NAV3: variants seen among roughly 807,000 people sequenced by gnomAD.
The protein encoded by NAV3 is neuron navigator 3.
Under a neutral mutation model 244.7 loss-of-function variants are expected in NAV3, and 87 were observed. The ratio of observed to expected loss-of-function variants is 0.36; its 90% CI spans 0.30 to 0.42. The LOEUF is 0.42. Among genes scored for constraint, NAV3 ranks in the 20% least tolerant of loss-of-function variants. The pLI, the probability that NAV3 is intolerant of heterozygous loss-of-function variation, is 1.00. For missense variants in NAV3, 2,663 were observed against 2,893.3 expected (o/e 0.92, Z 1.83); for synonymous variants, 1,126 against 1,042.2 (o/e 1.08, Z -1.55).
At chr12:78,088,085 A>C (rs140215364) in intron 12 of NAV3, among the ~76,000 whole-genome samples, 137 of 151,018 alleles carry the variant, frequency 9.1e-4, no homozygotes, top group African/African-American at 3.1e-3. Flanking sequence ...ATTATGAATG[A>C]CCTCATATAA....
chr12:78,127,087 C>T (rs2138804836), intron 16 of NAV3, 80 bp from the exon 17 acceptor site: 2 of 1,433,264 alleles, frequency 1.4e-6, no homozygotes, highest in Non-Finnish European at 9.7e-7. Flanking sequence ...TTTTATAGTT[C>T]AGAGAACCAT....
intron 26 of NAV3, among the ~76,000 whole-genome samples, chr12:78,176,873 A>G (rs540953538): frequency 1.3e-5 from 2 of 152,236 alleles, no homozygotes; most frequent in African/African-American, 4.8e-5. Context: ...TTAGTTTTAA[A>G]TGAGTGCTCT....
At chr12:77,857,448 A>G (rs547193627) in intron 1 of NAV3, among the ~76,000 whole-genome samples, 155 of 152,090 alleles carry the variant, frequency 1.0e-3, no homozygotes, top group African/African-American at 3.7e-3. Context: ...TTAAATTATT[A>G]AAAAAATCTC....
intron 35 of NAV3, 111 bp downstream of exon 35, chr12:78,197,512 T>G (rs543038240): frequency 7.7e-5 from 57 of 744,550 alleles, no homozygotes; most frequent in Non-Finnish European, 1.1e-4. Flanking sequence ...ATTTTTATTT[T>G]TTAAATTGAC....
intron 22 of NAV3, among the ~76,000 whole-genome samples, chr12:78,150,628 TCCTCACAC>T (rs1284543005): frequency 4.2e-5 from 4 of 96,142 alleles, no homozygotes; most frequent in Admixed American, 1.2e-4. Context: ...TGCAAAAGCT[TCCTCACAC>T]ACACACACAC....
Position 78,194,475 on chromosome 12 carries a change from G to T in NAV3, c.6292-2772G>T, listed in dbSNP as rs530614144. On this transcript the variant is annotated intron_variant, in intron 34 of 39. Transcript: ENST00000397909. ...TCAAATTTTTCAATGTTTTCTTATA[G>T]ATTTCTGTACTACATCAAAAACATC... Among the ~76,000 whole-genome samples the T allele has an allele frequency of 3.9e-5, 6 of 151,924 alleles. No individual in the cohort carries two copies. In the East Asian group the frequency reaches 7.7e-4, roughly 20 times the overall value.
At chr12:77,620,638 T>G (rs1351211465) in intron 2 of NAV3, among the ~76,000 whole-genome samples, 2 of 152,182 alleles carry the variant, frequency 1.3e-5, no homozygotes, top group African/African-American at 4.8e-5. Context: ...ATTTTTGTAT[T>G]TTTAGTAGAG....
At chr12:77,577,828 T>C (rs1407791508) in intron 2 of NAV3, among the ~76,000 whole-genome samples, 1 of 152,162 alleles carries the variant, frequency 6.6e-6, no homozygotes, top group East Asian at 1.9e-4. Flanking sequence ...GCTTTTATCA[T>C]TTCATAAAGG....
At chr12:77,602,915 C>T (rs985501373) in intron 2 of NAV3, among the ~76,000 whole-genome samples, 12 of 152,034 alleles carry the variant, frequency 7.9e-5, no homozygotes, top group Admixed American at 1.3e-4. Context: ...AATTGTGAAG[C>T]TCTTGCCCTT....
At chr12:77,767,584 G>C (rs1467713739) in intron 2 of NAV3, among the ~76,000 whole-genome samples, 1 of 152,210 alleles carries the variant, frequency 6.6e-6, no homozygotes, top group Non-Finnish European at 1.5e-5. Flanking sequence ...TAGCCACTGT[G>C]GTGGGGCGGG....
chr12:77,796,648 T>C (rs1484531940), intron 2 of NAV3, among the ~76,000 whole-genome samples: 2 of 152,156 alleles, frequency 1.3e-5, no homozygotes, highest in African/African-American at 4.8e-5. Flanking sequence ...GAAGAGTTAA[T>C]CAATGCAGCA....
chr12:77,637,242 C>A (rs1872199233), intron 2 of NAV3, among the ~76,000 whole-genome samples: 1 of 151,848 alleles, frequency 6.6e-6, no homozygotes, highest in Admixed American at 6.5e-5. Context: ...TTGCTATGGT[C>A]CACAGCAAAA....
At chr12:78,165,167 G>C (rs1198077133) in intron 23 of NAV3, among the ~76,000 whole-genome samples, 1 of 152,116 alleles carries the variant, frequency 6.6e-6, no homozygotes, top group African/African-American at 2.4e-5. Flanking sequence ...GGTGTTGGGG[G>C]CATCATTATC....
At chr12:77,961,371 A>C (rs1024741255) in intron 3 of NAV3, among the ~76,000 whole-genome samples, 5 of 141,522 alleles carry the variant, frequency 3.5e-5, no homozygotes, top group African/African-American at 1.0e-4. Context: ...TAATATAATA[A>C]ATATATTAAT....
At chr12:77,592,349 T>G (rs554074752) in intron 2 of NAV3, among the ~76,000 whole-genome samples, 3 of 152,286 alleles carry the variant, frequency 2.0e-5, no homozygotes, top group African/African-American at 7.2e-5. Context: ...TGTTATATAT[T>G]TTTTGATACA....
At chr12:77,786,185 A>G (rs1870897405) in intron 2 of NAV3, among the ~76,000 whole-genome samples, 1 of 152,170 alleles carries the variant, frequency 6.6e-6, no homozygotes, top group Admixed American at 6.5e-5. Context: ...CTATTATATT[A>G]TGCCCCTAAC....
At chr12:77,910,707 C>T (rs1476394477) in intron 1 of NAV3, among the ~76,000 whole-genome samples, 1 of 152,040 alleles carries the variant, frequency 6.6e-6, no homozygotes, top group African/African-American at 2.4e-5. Context: ...CCCAGGCATC[C>T]AAACAAGTCA....
intron 36 of NAV3, chr12:78,199,015 G>T: frequency 3.8e-6 from 2 of 527,062 alleles, no homozygotes; most frequent in Non-Finnish European, 7.1e-6. Context: ...CCTTCTAAGT[G>T]TGAGAAATGT....
At chr12:77,691,043 G>C (rs570286939) in intron 2 of NAV3, among the ~76,000 whole-genome samples, 1 of 150,314 alleles carries the variant, frequency 6.7e-6, no homozygotes, top group South Asian at 2.1e-4. Context: ...TAACAGTTTA[G>C]GTGTCAAATG....
Sources: gnomAD v4.1 joint callset for allele counts (sites outside exome capture counted in the v4.1 genomes callset) on GRCh38, gnomAD v4.1.1 for gene constraint, MANE v1.5 for transcripts, NCBI Gene and HGNC (gene_info 2026-07-23, HGNC 2026-07-21) for gene names.